Variants in SEMA3A observed in about 807,000 individuals in gnomAD.
SEMA3A encodes semaphorin 3A, also known as semaphorin-3A.
Under a neutral mutation model 97.9 loss-of-function variants are expected in SEMA3A, and 29 were observed. The observed-to-expected ratio is 0.30, with a 90% CI of 0.22 to 0.40. The LOEUF (loss-of-function observed/expected upper bound fraction) is 0.40, where lower values mean the gene tolerates loss of function less well. Ranked by LOEUF, SEMA3A falls within the 10% of genes least tolerant of loss-of-function variation. SEMA3A has a pLI of 1.00. For synonymous variants in SEMA3A, 321 were observed against 323.7 expected (o/e 0.99, Z 0.09); for missense variants, 763 against 951.3 (o/e 0.80, Z 2.60).
At chr7:84,370,544 C>T (rs994417949) in intron 2 of SEMA3A, among the ~76,000 whole-genome samples, 3 of 151,616 alleles carry the variant, frequency 2.0e-5, no homozygotes, top group Non-Finnish European at 4.4e-5. Context: ...TTAGAAACAT[C>T]TTGGTTGCTC....
chr7:84,029,208 A>T (rs79583057), intron 6 of SEMA3A, among the ~76,000 whole-genome samples: 6,274 of 152,318 alleles, frequency 0.041, 144 homozygotes, highest in Middle Eastern at 0.088. Flanking sequence ...ATCGTGACCT[A>T]TGCTTAAACT....
intron 6 of SEMA3A, among the ~76,000 whole-genome samples, chr7:84,021,223 T>G (rs777663478): frequency 2.0e-5 from 3 of 152,198 alleles, no homozygotes; most frequent in Admixed American, 6.5e-5. Context: ...ATTAAACTGT[T>G]TATCATTCTA....
intron 2 of SEMA3A, among the ~76,000 whole-genome samples, chr7:84,341,992 G>A (rs904757157): frequency 6.6e-6 from 1 of 151,860 alleles, no homozygotes; most frequent in Non-Finnish European, 1.5e-5. Flanking sequence ...TCAACTCAGT[G>A]AAGCCTTTCC....
chr7:84,117,451 A>G (rs574845814), intron 3 of SEMA3A, among the ~76,000 whole-genome samples: 1 of 152,300 alleles, frequency 6.6e-6, no homozygotes, highest in South Asian at 2.1e-4. Flanking sequence ...ACCTCCAGGC[A>G]GACTGGTACC....
Position 84,051,395 on chromosome 7 carries a change from A to G in SEMA3A, c.548-4952T>C, listed in dbSNP as rs1181115638. ...TCCTCTTTTATTTCCTTGAGCAGTG[A>G]TTTGTACTTCTCCTTAAAGAGGTCC... On this transcript the variant is annotated intron_variant, in intron 5 of 16. Transcript: ENST00000265362. Among the ~76,000 whole-genome samples the G allele has an allele frequency of 1.9e-4, 29 of 152,086 alleles. No individual in the cohort carries two copies. In the South Asian group the frequency reaches 5.4e-3, roughly 28 times the overall value.
chr7:84,333,948 C>T (rs1000870677), intron 2 of SEMA3A, among the ~76,000 whole-genome samples: 3 of 152,062 alleles, frequency 2.0e-5, no homozygotes, highest in African/African-American at 4.8e-5. Flanking sequence ...TGTGCTATAT[C>T]CTATATTTAA....
chr7:84,249,609 C>T (rs1398182173), intron 3 of SEMA3A, among the ~76,000 whole-genome samples: 1 of 151,892 alleles, frequency 6.6e-6, no homozygotes, highest in Admixed American at 6.6e-5. Context: ...AGGAATGCCA[C>T]CTGTTTTTAA....
At chr7:84,316,130 C>CAAAAAAAAAAAAAAAAAAAAA (rs202005657) in intron 2 of SEMA3A, among the ~76,000 whole-genome samples, 1 of 30,220 alleles carries the variant, frequency 3.3e-5, no homozygotes, top group African/African-American at 1.0e-4. Context: ...GACTCTATCT[C>CAAAAAAAAAAAAAAAAAAAAA]AAAAAAAAAA....
chr7:84,264,620 C>T (rs1191383124), intron 3 of SEMA3A, among the ~76,000 whole-genome samples: 2 of 152,104 alleles, frequency 1.3e-5, no homozygotes, highest in African/African-American at 4.8e-5. Context: ...GAAATCAATG[C>T]CCTGGAGCAT....
chr7:84,452,368 A>G (rs1805577338), intron 1 of SEMA3A, among the ~76,000 whole-genome samples: 1 of 152,204 alleles, frequency 6.6e-6, no homozygotes. Flanking sequence ...CAGCAAGGCC[A>G]TGGGCACCTT....
chr7:84,017,908 T>C (rs2116430943), intron 6 of SEMA3A, among the ~76,000 whole-genome samples: 1 of 152,252 alleles, frequency 6.6e-6, no homozygotes, highest in South Asian at 2.1e-4. Flanking sequence ...GCTTTATAAA[T>C]CCCCAGATTT....
chr7:84,063,111 C>T (rs1793317902), intron 4 of SEMA3A, among the ~76,000 whole-genome samples: 1 of 151,968 alleles, frequency 6.6e-6, no homozygotes, highest in Admixed American at 6.6e-5. Flanking sequence ...GTCCCTGACC[C>T]CTGACCCCTA....
chr7:84,368,158 G>A (rs1332184314), intron 2 of SEMA3A, among the ~76,000 whole-genome samples: 1 of 151,092 alleles, frequency 6.6e-6, no homozygotes, highest in Non-Finnish European at 1.5e-5. Flanking sequence ...TAGGTTATAA[G>A]CTTCAAAAAT....
At chr7:84,251,187 G>A (rs1261773327) in intron 3 of SEMA3A, among the ~76,000 whole-genome samples, 1 of 152,016 alleles carries the variant, frequency 6.6e-6, no homozygotes, top group Non-Finnish European at 1.5e-5. Context: ...TGTTCTATGC[G>A]ACTGACTAAC....
chr7:83,989,750 C>T (rs1159299377), intron 12 of SEMA3A, among the ~76,000 whole-genome samples: 128 of 147,024 alleles, frequency 8.7e-4, no homozygotes, highest in Non-Finnish European at 4.2e-4. Context: ...CAAGTCTTTG[C>T]TATTGTGAAT....
At chr7:84,057,070 A>G (rs1793015385) in intron 5 of SEMA3A, among the ~76,000 whole-genome samples, 1 of 152,174 alleles carries the variant, frequency 6.6e-6, no homozygotes, top group Admixed American at 6.5e-5. Context: ...AGAGTTCCTT[A>G]TTTGCTCTAG....
chr7:84,137,917 TCAC>T (rs1209132130), intron 1 of SEMA3A, among the ~76,000 whole-genome samples: 2 of 152,134 alleles, frequency 1.3e-5, no homozygotes, highest in Non-Finnish European at 2.9e-5. Flanking sequence ...ACACAAGCCA[TCAC>T]CACAGTACTT....
intron 3 of SEMA3A, among the ~76,000 whole-genome samples, chr7:84,254,385 A>G (rs946502977): frequency 6.6e-6 from 1 of 152,202 alleles, no homozygotes; most frequent in African/African-American, 2.4e-5. Context: ...TAAAGTTTTC[A>G]GCAAATTACA....
At chr7:84,154,714 A>G (rs1584049787) in intron 1 of SEMA3A, among the ~76,000 whole-genome samples, 1 of 151,424 alleles carries the variant, frequency 6.6e-6, no homozygotes, top group Non-Finnish European at 1.5e-5. Context: ...CAAAAAAAAG[A>G]CAGATGATGA....
Sources: gnomAD v4.1 joint callset for allele counts (sites outside exome capture counted in the v4.1 genomes callset) on GRCh38, gnomAD v4.1.1 for gene constraint, MANE v1.5 for transcripts, NCBI Gene and HGNC (gene_info 2026-07-23, HGNC 2026-07-21) for gene names.